The following MBD5 variants were observed in gnomAD, a reference collection of about 807,000 sequenced individuals.
MBD5 encodes methyl-CpG-binding domain protein 5.
Under a neutral mutation model 117.3 loss-of-function variants are expected in MBD5, and 13 were observed. The ratio of observed to expected loss-of-function variants is 0.11; its 90% CI spans 0.07 to 0.18. The LOEUF (loss-of-function observed/expected upper bound fraction) is 0.18. Among genes scored for constraint, MBD5 ranks in the 10% least tolerant of loss-of-function variants. The pLI, the probability that MBD5 is intolerant of heterozygous loss-of-function variation, is 1.00. For synonymous variants in MBD5, 727 were observed against 766.4 expected (o/e 0.95, Z 0.85); for missense variants, 1,879 against 2,093.8 (o/e 0.90, Z 2.00).
chr2:148,294,501 GTTTTT>G (rs58961481), intron 3 of MBD5, among the ~76,000 whole-genome samples: 3 of 113,210 alleles, frequency 2.6e-5, no homozygotes, highest in Non-Finnish European at 5.3e-5. Context: ...TGGGATTACA[GTTTTT>G]TTTTTTTTTT....
intron 4 of MBD5, chr2:148,347,310 G>A (rs1703146736): frequency 6.6e-6 from 1 of 152,032 alleles, no homozygotes; most frequent in African/African-American, 2.4e-5. Flanking sequence ...GGAGTTTTGA[G>A]GCTATAGTGA....
intron 1 of MBD5, chr2:148,056,047 C>T (rs1247082958): frequency 6.6e-6 from 1 of 152,098 alleles, no homozygotes; most frequent in Admixed American, 6.5e-5. Context: ...GAATACCTCT[C>T]CTTATATTTT....
intron 1 of MBD5, among the ~76,000 whole-genome samples, chr2:148,119,702 A>G (rs1696720985): frequency 6.6e-6 from 1 of 152,108 alleles, no homozygotes; most frequent in Non-Finnish European, 1.5e-5. Context: ...AAGTGATCCA[A>G]TATCATTCTT....
At chr2:148,059,715 G>A (rs1185796205) in intron 1 of MBD5, among the ~76,000 whole-genome samples, 2 of 151,848 alleles carry the variant, frequency 1.3e-5, no homozygotes, top group African/African-American at 2.4e-5. Flanking sequence ...GGCGTGTGGC[G>A]GGCACCTGTA....
At chr2:148,084,699 A>G (rs1453075785) in intron 1 of MBD5, among the ~76,000 whole-genome samples, 3 of 152,314 alleles carry the variant, frequency 2.0e-5, no homozygotes, top group East Asian at 1.9e-4. Flanking sequence ...TTTTCTGGAC[A>G]TTAAAAAGTG....
chr2:148,512,985 G>A lies in MBD5; in HGVS notation c.*44G>A. 6.5e-7 allele frequency: 1 copy of A among 1,534,922 alleles called. No homozygotes were observed. The highest frequency in any genetic ancestry group is 9.0e-7 in the Non-Finnish European group (1 of 1,108,400). Reference sequence around the variant, plus strand: ...TGCGCAGTGTTTATTAAAGGAACATGCACAGATGTATCTGTATATAGGTAT... The same window carrying A: ...TGCGCAGTGTTTATTAAAGGAACATACACAGATGTATCTGTATATAGGTAT... On this transcript the variant is annotated 3_prime_UTR_variant, in exon 14 of 14. Coordinates refer to ENST00000642680, the MANE Select transcript of MBD5 (RefSeq NM_001378120.1).
chr2:148,367,950 A>T (rs1317362352), intron 4 of MBD5, among the ~76,000 whole-genome samples: 1 of 152,102 alleles, frequency 6.6e-6, no homozygotes, highest in East Asian at 1.9e-4. Context: ...CAGAAATACC[A>T]CTTGACCCAG....
intron 4 of MBD5, among the ~76,000 whole-genome samples, chr2:148,407,969 C>G (rs1222722405): frequency 1.3e-5 from 2 of 152,142 alleles, no homozygotes; most frequent in African/African-American, 4.8e-5. Flanking sequence ...TTAATATATG[C>G]TCCCACACAT....
intron 1 of MBD5, among the ~76,000 whole-genome samples, chr2:148,091,933 C>G (rs920432848): frequency 6.6e-6 from 1 of 152,132 alleles, no homozygotes; most frequent in Non-Finnish European, 1.5e-5. Context: ...GGACTAATAT[C>G]TGGAATCTAC....
At chr2:148,185,561 C>G (rs1447026096) in intron 2 of MBD5, among the ~76,000 whole-genome samples, 1 of 152,100 alleles carries the variant, frequency 6.6e-6, no homozygotes, top group East Asian at 1.9e-4. Flanking sequence ...GATACATAGT[C>G]ATGGAATAAA....
Position 148,146,533 on chromosome 2 carries a change from G to A in MBD5, c.-924-32167G>A, listed in dbSNP as rs555448297. On this transcript the variant is annotated intron_variant, in intron 1 of 13. Transcript: ENST00000642680. ...ATTATAGGCATGATCCACCCCGCCT[G>A]GCCTTGTATTTGCCTTTTGACATTT... Among the ~76,000 whole-genome samples, 6 of 152,106 alleles carry A rather than the reference G, an allele frequency of 3.9e-5. No homozygotes were observed. In the South Asian group the frequency reaches 1.2e-3, roughly 32 times the overall value.
chr2:148,021,442 A>C lies in MBD5; in HGVS notation c.-1167A>C. On this transcript the variant is annotated 5_prime_UTR_variant, in exon 1 of 14. Transcript: ENST00000642680. The stretch of plus-strand genomic sequence containing the variant: ...AAGAAACCAAAAGCCTCTTAGCAAC[A>C]CAGACCCTTTGCTGCTGCTGTTGCT... 1.8e-6 allele frequency: 1 copy of C among 563,794 alleles called. No homozygotes were observed. The highest frequency in any genetic ancestry group is 3.4e-6 in the Non-Finnish European group (1 of 292,546). The allele number at this position is 563,794 out of a possible 1,614,324, so 34.9% of individuals were successfully genotyped here.
intron 1 of MBD5, among the ~76,000 whole-genome samples, chr2:148,174,553 A>G (rs1574095399): frequency 6.6e-6 from 1 of 152,208 alleles, no homozygotes; most frequent in East Asian, 1.9e-4. Flanking sequence ...TACATTGAAT[A>G]AGGGGTTAAT....
chr2:148,286,203 C>T (rs1574240601), intron 3 of MBD5, among the ~76,000 whole-genome samples: 1 of 152,090 alleles, frequency 6.6e-6, no homozygotes, highest in East Asian at 1.9e-4. Flanking sequence ...TATTTTCTTA[C>T]CATTTTGGGA....
chr2:148,157,085 A>G (rs1487220849), intron 1 of MBD5, among the ~76,000 whole-genome samples: 2 of 152,080 alleles, frequency 1.3e-5, no homozygotes, highest in Non-Finnish European at 2.9e-5. Flanking sequence ...TAATTTTGTA[A>G]GTTATTATTT....
At chr2:148,273,496 G>A (rs1414328786) in intron 3 of MBD5, among the ~76,000 whole-genome samples, 1 of 152,084 alleles carries the variant, frequency 6.6e-6, no homozygotes, top group African/African-American at 2.4e-5. Context: ...TGATGGACGA[G>A]CTGGCACCAC....
chr2:148,497,948 G>GCAGAATTAT (rs1174241675), intron 11 of MBD5, among the ~76,000 whole-genome samples: 1 of 152,108 alleles, frequency 6.6e-6, no homozygotes, highest in African/African-American at 2.4e-5. Flanking sequence ...ACAAAGATGT[G>GCAGAATTAT]CAGAATTATC....
At chr2:148,099,311 A>T (rs1192286322) in intron 1 of MBD5, among the ~76,000 whole-genome samples, 1 of 152,192 alleles carries the variant, frequency 6.6e-6, no homozygotes, top group Non-Finnish European at 1.5e-5. Context: ...TTTTATCTCC[A>T]AAAAGAAAAT....
rs750382440 is a variant in MBD5 at position 148,462,558 on chromosome 2, TG to T, written c.114-23del. ...ATGTGTAGTCAAAATTATTTCCTGATGTTTTTTTAAACTATTTTTACAGTCC... is the reference window on the plus strand; with the variant it reads ...ATGTGTAGTCAAAATTATTTCCTGATTTTTTTTAAACTATTTTTACAGTCC... On this transcript the variant is annotated intron_variant, in intron 5 of 13. Transcript: ENST00000642680. 1.4e-4 allele frequency: 192 copies of T among 1,407,422 alleles called. 2 individuals are homozygous for T. The highest frequency in any genetic ancestry group is 5.0e-4 in the South Asian group (43 of 86,822). The allele number at this position is 1,407,422 out of a possible 1,614,324, so 87.2% of individuals were successfully genotyped here. A position where few individuals can be genotyped will look rare whatever the true frequency, so the allele number is the denominator to read the frequency against.
Sources: allele counts gnomAD v4.1 joint callset (sites outside exome capture counted in the v4.1 genomes callset), GRCh38; gene constraint gnomAD v4.1.1; transcripts MANE v1.5; gene names NCBI Gene and HGNC (gene_info 2026-07-23, HGNC 2026-07-21).